GPR158: variants seen among roughly 807,000 people sequenced by gnomAD.
The protein encoded by GPR158 is G protein-coupled receptor 158.
Under a neutral mutation model 78.2 loss-of-function variants are expected in GPR158, and 30 were observed. That is an observed-to-expected ratio of 0.38 (90% CI 0.29 to 0.52). The LOEUF is 0.52. Ranked by LOEUF, GPR158 falls within the 20% of genes least tolerant of loss-of-function variation. The pLI, the probability that GPR158 is intolerant of heterozygous loss-of-function variation, is 0.83. For synonymous variants in GPR158, 581 were observed against 591.1 expected (o/e 0.98, Z 0.25); for missense variants, 1,463 against 1,523.5 (o/e 0.96, Z 0.66).
chr10:25,596,618 A>C, intron 9 of GPR158, 25 bp from the exon 10 acceptor site: 1 of 1,592,092 alleles, frequency 6.3e-7, no homozygotes, highest in Non-Finnish European at 8.6e-7. Flanking sequence ...GCTAATGTCT[A>C]CTGCTCATAC....
chr10:25,439,935 T>C (rs771367704), intron 4 of GPR158, among the ~76,000 whole-genome samples: 1 of 152,196 alleles, frequency 6.6e-6, no homozygotes, highest in Non-Finnish European at 1.5e-5. Flanking sequence ...AGCTGCACGT[T>C]TTCTCTTTCC....
At chr10:25,330,190 CTG>C (rs1447954810) in intron 2 of GPR158, among the ~76,000 whole-genome samples, 1 of 152,118 alleles carries the variant, frequency 6.6e-6, no homozygotes, top group East Asian at 1.9e-4. Flanking sequence ...TGTGTAACAT[CTG>C]TGTTTATTTC....
chr10:25,333,119 A>C (rs922283341), intron 2 of GPR158, among the ~76,000 whole-genome samples: 4 of 152,060 alleles, frequency 2.6e-5, no homozygotes, highest in African/African-American at 4.8e-5. Flanking sequence ...GTGAAGGTTC[A>C]GTTGATTATT....
chr10:25,553,431 A>G (rs1427624838), intron 6 of GPR158, among the ~76,000 whole-genome samples: 6 of 152,142 alleles, frequency 3.9e-5, no homozygotes, highest in African/African-American at 1.4e-4. Context: ...AATCATTCTT[A>G]TCCTCTGTGA....
intron 7 of GPR158, among the ~76,000 whole-genome samples, chr10:25,575,352 GA>G (rs1348431590): frequency 2.6e-5 from 4 of 152,070 alleles, no homozygotes; most frequent in Non-Finnish European, 5.9e-5. Flanking sequence ...TTTTTTAAGT[GA>G]AATGCACCAA....
intron 2 of GPR158, among the ~76,000 whole-genome samples, chr10:25,245,144 A>G (rs975262823): frequency 6.6e-6 from 1 of 152,222 alleles, no homozygotes; most frequent in Non-Finnish European, 1.5e-5. Flanking sequence ...TGTCTTTGAA[A>G]GCATCTTTAT....
chr10:25,239,488 A>G (rs1163695785), intron 2 of GPR158, among the ~76,000 whole-genome samples: 1 of 151,934 alleles, frequency 6.6e-6, no homozygotes, highest in Non-Finnish European at 1.5e-5. Flanking sequence ...GGCACCTGTA[A>G]TCCCAGATAC....
At chr10:25,234,123 C>T (rs1404661786) in intron 2 of GPR158, among the ~76,000 whole-genome samples, 1 of 152,148 alleles carries the variant, frequency 6.6e-6, no homozygotes, top group Admixed American at 6.5e-5. Flanking sequence ...GGTCCCAAGA[C>T]TGAAATGTGT....
intron 5 of GPR158, among the ~76,000 whole-genome samples, chr10:25,540,918 G>A (rs2130702773): frequency 6.9e-6 from 1 of 144,956 alleles, no homozygotes; most frequent in South Asian, 2.2e-4. Flanking sequence ...TTGTGTACAT[G>A]TACCCTAGAA....
At chr10:25,374,858 G>T (rs1335970701) in intron 2 of GPR158, among the ~76,000 whole-genome samples, 1 of 151,664 alleles carries the variant, frequency 6.6e-6, no homozygotes, top group Non-Finnish European at 1.5e-5. Context: ...AAACACTTAT[G>T]TACAGGTTTT....
Position 25,175,204 on chromosome 10 carries a change from G to A in GPR158, c.-217G>A. On this transcript the variant is annotated 5_prime_UTR_variant, in exon 1 of 11. Coordinates refer to ENST00000376351, the MANE Select transcript of GPR158 (RefSeq NM_020752.3). This position sits in a 1 kb window ranked among gnomAD's most constrained non-coding sequence, Gnocchi z 6.4. ...AGCCGGCCCCTCGCGCAGCGGGCAC[G>A]GCCAGCGCTGCCACAGGTGACTTGA... The A allele has an allele frequency of 2.0e-6, 1 of 488,664 alleles. No individual in the cohort carries two copies. Among genetic ancestry groups the A allele is most frequent in the Non-Finnish European group, 3.6e-6 (1 of 278,352 alleles). The allele number at this position is 488,664 out of a possible 1,614,324, so 30.3% of individuals were successfully genotyped here. A position where few individuals can be genotyped will look rare whatever the true frequency, so the allele number is the denominator to read the frequency against.
intron 2 of GPR158, among the ~76,000 whole-genome samples, chr10:25,254,078 T>C (rs1406526580): frequency 6.6e-6 from 1 of 152,218 alleles, no homozygotes; most frequent in Non-Finnish European, 1.5e-5. Flanking sequence ...TCATTAAAGA[T>C]AACTTCTGTG....
At chr10:25,292,727 T>C (rs1854457671) in intron 2 of GPR158, among the ~76,000 whole-genome samples, 1 of 152,124 alleles carries the variant, frequency 6.6e-6, no homozygotes, top group Admixed American at 6.5e-5. Context: ...AGAAAGTTGC[T>C]TTTAACTTCC....
chr10:25,286,996 G>A (rs1854359727), intron 2 of GPR158, among the ~76,000 whole-genome samples: 1 of 152,000 alleles, frequency 6.6e-6, no homozygotes, highest in Non-Finnish European at 1.5e-5. Context: ...GTTACTTGAT[G>A]CCTGCTATCC....
intron 2 of GPR158, among the ~76,000 whole-genome samples, chr10:25,289,363 G>T (rs187783233): frequency 2.6e-5 from 4 of 152,178 alleles, no homozygotes; most frequent in African/African-American, 9.7e-5. Flanking sequence ...CACAGAGGGC[G>T]TGTTTAAAAG....
chr10:25,421,201 A>G (rs1362494185), intron 4 of GPR158, among the ~76,000 whole-genome samples: 1 of 152,170 alleles, frequency 6.6e-6, no homozygotes, highest in Non-Finnish European at 1.5e-5. Flanking sequence ...CCTAAGTATT[A>G]CGATATATCA....
At chr10:25,391,082 A>G (rs138755560) in intron 2 of GPR158, among the ~76,000 whole-genome samples, 79 of 152,332 alleles carry the variant, frequency 5.2e-4, no homozygotes, top group African/African-American at 1.8e-3. Flanking sequence ...GGTGCACAGA[A>G]GTCAAGAATT....
intron 5 of GPR158, among the ~76,000 whole-genome samples, chr10:25,473,453 G>A (rs1025537055): frequency 5.9e-5 from 9 of 152,088 alleles, no homozygotes; most frequent in Non-Finnish European, 1.3e-4. Flanking sequence ...TTGGTATCAG[G>A]ATGATGCTGG....
chr10:25,267,653 A>G (rs979034699), intron 2 of GPR158, among the ~76,000 whole-genome samples: 1 of 152,176 alleles, frequency 6.6e-6, no homozygotes, highest in South Asian at 2.1e-4. Context: ...CTTCACCATA[A>G]TCTCACTACA....
Sources: gnomAD v4.1 joint callset for allele counts (sites outside exome capture counted in the v4.1 genomes callset) on GRCh38, gnomAD v4.1.1 for gene constraint, Gnocchi (gnomAD v3.1) non-coding constraint, MANE v1.5 for transcripts, NCBI Gene and HGNC (gene_info 2026-07-23, HGNC 2026-07-21) for gene names.